HCN1: variants seen among roughly 807,000 people sequenced by gnomAD.
HCN1 encodes the protein hyperpolarization activated cyclic nucleotide gated potassium channel 1, also known as potassium/sodium hyperpolarization-activated cyclic nucleotide-gated channel 1.
A neutral mutation model predicts 78.9 loss-of-function variants in HCN1; 13 were observed. The ratio of observed to expected loss-of-function variants is 0.16; its 90% CI spans 0.11 to 0.26. The LOEUF is 0.26. Among genes scored for constraint, HCN1 ranks in the 10% least tolerant of loss-of-function variants. The pLI is 1.00. For synonymous variants in HCN1, 552 were observed against 455.5 expected (o/e 1.21, Z -2.70); for missense variants, 810 against 1,154.3 (o/e 0.70, Z 4.32).
intron 2 of HCN1, among the ~76,000 whole-genome samples, chr5:45,561,239 C>T (rs1259147554): frequency 6.6e-6 from 1 of 151,994 alleles, no homozygotes; most frequent in Non-Finnish European, 1.5e-5. Context: ...TATAGGAAAT[C>T]TTTATGTTTT....
chr5:45,401,933 T>C (rs1739820949), intron 3 of HCN1, among the ~76,000 whole-genome samples: 1 of 152,072 alleles, frequency 6.6e-6, no homozygotes, highest in Admixed American at 6.6e-5. Flanking sequence ...CCATCTCAAT[T>C]CCAACAGGGG....
In HCN1 at chr5:45,334,467, C is replaced by T. The variant is rs139345356; in HGVS notation, c.1377+18633G>A. Among the ~76,000 whole-genome samples the T allele has an allele frequency of 1.4e-3, 220 of 151,858 alleles. 3 individuals are homozygous for T. Among genetic ancestry groups the T allele is most frequent in the East Asian group, 0.014 (71 of 5,136 alleles). On this transcript the variant is annotated intron_variant, in intron 5 of 7. Transcript: ENST00000303230. ...TTAGTAGGTACAGTCTTCTTTTCTC[C>T]GCTAATTAACTATATGTGACTTCCT...
chr5:45,354,244 A>G (rs1746966768), intron 4 of HCN1, among the ~76,000 whole-genome samples: 1 of 151,936 alleles, frequency 6.6e-6, no homozygotes, highest in Non-Finnish European at 1.5e-5. Context: ...ATACACCTTA[A>G]AGTTTGAGAA....
chr5:45,526,502 A>G (rs1277638634), intron 2 of HCN1, among the ~76,000 whole-genome samples: 5 of 151,962 alleles, frequency 3.3e-5, no homozygotes, highest in Admixed American at 3.3e-4. Context: ...ATCTGTCCCA[A>G]TCCCACTACT....
intron 2 of HCN1, among the ~76,000 whole-genome samples, chr5:45,499,454 C>A (rs1249259161): frequency 2.0e-5 from 3 of 152,138 alleles, no homozygotes; most frequent in Non-Finnish European, 1.5e-5. Context: ...GGCTCGTGCA[C>A]GGTGCGTGGA....
chr5:45,594,112 C>T (rs1018469355), intron 2 of HCN1, among the ~76,000 whole-genome samples: 1 of 152,180 alleles, frequency 6.6e-6, no homozygotes, highest in Non-Finnish European at 1.5e-5. Flanking sequence ...TAAATGGTTT[C>T]CCTTAGCGGA....
chr5:45,428,514 A>G (rs1290262224), intron 3 of HCN1, among the ~76,000 whole-genome samples: 1 of 152,116 alleles, frequency 6.6e-6, no homozygotes, highest in Non-Finnish European at 1.5e-5. Flanking sequence ...ATAAATTTGT[A>G]AAAATGAATT....
intron 2 of HCN1, among the ~76,000 whole-genome samples, chr5:45,542,156 G>A (rs142718741): frequency 2.6e-5 from 4 of 152,174 alleles, no homozygotes; most frequent in African/African-American, 9.6e-5. Context: ...TTAAATTCAG[G>A]TTAAATTCAG....
chr5:45,431,360 A>G (rs1311707841), intron 3 of HCN1, among the ~76,000 whole-genome samples: 2 of 152,048 alleles, frequency 1.3e-5, no homozygotes, highest in East Asian at 3.9e-4. Context: ...TAGTTTGTAA[A>G]TATTTTATCA....
intron 1 of HCN1, among the ~76,000 whole-genome samples, chr5:45,653,519 A>G (rs1745715435): frequency 6.6e-6 from 1 of 152,170 alleles, no homozygotes; most frequent in Non-Finnish European, 1.5e-5. Flanking sequence ...AGCAAATAGT[A>G]TATATACTGC....
chr5:45,593,644 CATT>C (rs71000644), intron 2 of HCN1, among the ~76,000 whole-genome samples: 42 of 146,980 alleles, frequency 2.9e-4, no homozygotes, highest in East Asian at 2.4e-3. Context: ...TAGCTATTTT[CATT>C]ATTATTATTA....
chr5:45,584,101 G>T (rs1253501807), intron 2 of HCN1, among the ~76,000 whole-genome samples: 2 of 151,182 alleles, frequency 1.3e-5, no homozygotes, highest in Non-Finnish European at 2.9e-5. Flanking sequence ...TTTCTGTCTC[G>T]TTGATCTGTT....
intron 3 of HCN1, among the ~76,000 whole-genome samples, chr5:45,459,228 A>AC (rs1332310082): frequency 6.6e-6 from 1 of 151,840 alleles, no homozygotes; most frequent in African/African-American, 2.4e-5. Context: ...ACATAGCAAG[A>AC]CCCCCATCTC....
intron 5 of HCN1, among the ~76,000 whole-genome samples, chr5:45,350,905 G>C (rs963623890): frequency 6.6e-6 from 1 of 152,174 alleles, no homozygotes; most frequent in African/African-American, 2.4e-5. Flanking sequence ...AACATTTCAT[G>C]CTCATGGGTA....
At chr5:45,533,542 T>A (rs1354233385) in intron 2 of HCN1, among the ~76,000 whole-genome samples, 1 of 152,222 alleles carries the variant, frequency 6.6e-6, no homozygotes, top group African/African-American at 2.4e-5. Context: ...CTGACTAGCC[T>A]TTCCAAGGTA....
intron 1 of HCN1, among the ~76,000 whole-genome samples, chr5:45,690,566 A>C (rs1417232831): frequency 1.3e-5 from 2 of 152,100 alleles, no homozygotes; most frequent in African/African-American, 4.8e-5. Flanking sequence ...AGGATGCACC[A>C]GGAATCCTGA....
At chr5:45,623,284 A>C (rs766801140) in intron 2 of HCN1, among the ~76,000 whole-genome samples, 9 of 152,190 alleles carry the variant, frequency 5.9e-5, no homozygotes, top group Non-Finnish European at 1.2e-4. Flanking sequence ...TTGCTGAATG[A>C]ATGATTCCTG....
At chr5:45,689,092 A>G (rs1739859287) in intron 1 of HCN1, among the ~76,000 whole-genome samples, 1 of 152,040 alleles carries the variant, frequency 6.6e-6, no homozygotes, top group Non-Finnish European at 1.5e-5. Context: ...CTGTGAACTT[A>G]CTAGAAAATA....
Position 45,396,681 on chromosome 5 carries a change from G to T in HCN1, c.1041C>A (p.Tyr347Ter). The change falls in exon 4 of 8, where the codon TAC (tyrosine) becomes TAA (stop). Residue 347 changes from tyrosine (Y) to a stop codon, truncating the protein, a stop_gained. Transcript: ENST00000303230. LOFTEE classifies it high-confidence loss of function. ...TGTGACTCATAGCTTTGAAGAGTGC[G>T]TATGAATACTGCTTTCCCCAAGAAT... The part of the protein sequence containing the change: ...VNDSWGKQYS[Y>*]ALFKAMSHML... 1 of 1,613,676 alleles carries T rather than the reference G, an allele frequency of 6.2e-7. No homozygotes were observed. Among genetic ancestry groups the T allele is most frequent in the African/African-American group, 1.3e-5 (1 of 74,988 alleles).
Sources: allele counts gnomAD v4.1 joint callset (sites outside exome capture counted in the v4.1 genomes callset), GRCh38; gene constraint gnomAD v4.1.1; transcripts MANE v1.5; gene names NCBI Gene and HGNC (gene_info 2026-07-23, HGNC 2026-07-21).